The following DENND1A variants were observed in gnomAD, a reference collection of about 807,000 sequenced individuals.
DENND1A encodes the protein DENN domain-containing protein 1A.
Under a neutral mutation model 113.7 loss-of-function variants are expected in DENND1A, and 51 were observed. That is an observed-to-expected ratio of 0.45 (90% CI 0.36 to 0.57). DENND1A has a LOEUF of 0.57. Among genes scored for constraint, DENND1A ranks in the 20% least tolerant of loss-of-function variants. DENND1A has a pLI of 0.00. For missense variants in DENND1A, 1,258 were observed against 1,395.9 expected (o/e 0.90, Z 1.57); for synonymous variants, 565 against 570.8 (o/e 0.99, Z 0.14).
chr9:123,801,863 G>C (rs571623376), intron 2 of DENND1A, among the ~76,000 whole-genome samples: 9 of 152,236 alleles, frequency 5.9e-5, no homozygotes, highest in African/African-American at 2.2e-4. Flanking sequence ...AACTTGACAT[G>C]CTCTATTCAC....
At chr9:123,742,136 C>A (rs1212501927) in intron 5 of DENND1A, among the ~76,000 whole-genome samples, 1 of 152,116 alleles carries the variant, frequency 6.6e-6, no homozygotes, top group Non-Finnish European at 1.5e-5. Flanking sequence ...AGTTGGCAAA[C>A]CCAAGCCAGG....
intron 1 of DENND1A, among the ~76,000 whole-genome samples, chr9:123,889,527 C>T (rs752161816): frequency 4.0e-5 from 6 of 151,802 alleles, no homozygotes; most frequent in Non-Finnish European, 8.8e-5. Flanking sequence ...GGGAACTATC[C>T]GAATAGAAAC....
chr9:123,452,337 C>A lies in DENND1A; in HGVS notation c.1238G>T (p.Gly413Val). The A allele has an allele frequency of 6.2e-7, 1 of 1,614,200 alleles. No individual in the cohort carries two copies. Among genetic ancestry groups the A allele is most frequent in the Non-Finnish European group, 8.5e-7 (1 of 1,180,020 alleles). ...GGTCTTTACAGTATTCAGAATTGCT[C>A]CACTTCCTTTCTATAATAAAAATGT... ...QWLSTVRKGS[G>V]AILNTVKTKA... is the part of the protein sequence containing the mutation. Residue 413 changes from glycine (G) to valine (V), a missense_variant, in exon 17 of 24, where the codon GGA (glycine) becomes GTA (valine). Physicochemically the swap from Gly to Val is moderately radical, Grantham distance 109. Around this residue, in one of 2 missense-constraint regions of DENND1A, gnomAD observed 1,159 missense variants for 1,231.7 expected, o/e 0.94. Transcript: ENST00000394215.
chr9:123,493,600 C>G (rs2051583329), intron 13 of DENND1A, among the ~76,000 whole-genome samples: 2 of 152,178 alleles, frequency 1.3e-5, no homozygotes, highest in Admixed American at 1.3e-4. Context: ...ACAGGGAGTC[C>G]CTGCCCTATG....
At chr9:123,921,664 A>G (rs1479143661) in intron 1 of DENND1A, among the ~76,000 whole-genome samples, 1 of 152,234 alleles carries the variant, frequency 6.6e-6, no homozygotes, top group East Asian at 1.9e-4. Context: ...AATAAAGCAC[A>G]CACATTCACT....
chr9:123,811,676 G>A (rs1055645064), intron 2 of DENND1A, among the ~76,000 whole-genome samples: 9 of 152,176 alleles, frequency 5.9e-5, no homozygotes, highest in Middle Eastern at 3.2e-3. Flanking sequence ...GGAGAACGGC[G>A]TGAACCTGGA....
chr9:123,878,934 T>A lies in DENND1A; in HGVS notation c.88+17A>T. 6.2e-7 allele frequency: 1 copy of A among 1,613,342 alleles called. No individual in the cohort carries two copies. Among genetic ancestry groups the A allele is most frequent in the Non-Finnish European group, 8.5e-7 (1 of 1,179,446 alleles). ...CAATAAGTAACACACCATATCATAA[T>A]CAAACATGCAAAGTACCTGAAAGAG... On this transcript the variant is annotated intron_variant, in intron 2 of 23. Transcript: ENST00000394215.
Position 123,585,839 on chromosome 9 carries a change from G to A in DENND1A, c.766-2569C>T, listed in dbSNP as rs1248222248. On this transcript the variant is annotated intron_variant, in intron 11 of 23. Transcript: ENST00000394215. ...CGTCTGTAAAATTAAAATGCTAACT[G>A]TGGCCACCCTGCTTCTCTCACTCCC... Among the ~76,000 whole-genome samples the A allele has an allele frequency of 2.0e-5, 3 of 152,290 alleles. No individual in the cohort carries two copies. The South Asian group carries it at 6.2e-4, about 32-fold the overall frequency.
At chr9:123,765,594 T>C (rs773797081) in intron 4 of DENND1A, among the ~76,000 whole-genome samples, 36 of 152,170 alleles carry the variant, frequency 2.4e-4, no homozygotes, top group Non-Finnish European at 8.8e-5. Flanking sequence ...TAGCTGACTT[T>C]CAGGGTTCTG....
chr9:123,523,007 A>C lies in DENND1A; in HGVS notation c.993+34563T>G, dbSNP rs147264048. Among the ~76,000 whole-genome samples the C allele has an allele frequency of 3.7e-4, 56 of 152,342 alleles. No individual in the cohort carries two copies. In the East Asian group the frequency reaches 0.011, roughly 29 times the overall value. On this transcript the variant is annotated intron_variant, in intron 13 of 23. Transcript: ENST00000394215. Reference sequence around the variant, plus strand: ...TTTTCCTTCCAAAAGCTCACAGTCTAGTGGGGCAGAGAAACATGGAGGTAA... The same window carrying C: ...TTTTCCTTCCAAAAGCTCACAGTCTCGTGGGGCAGAGAAACATGGAGGTAA...
At chr9:123,618,854 C>T (rs1335568252) in intron 10 of DENND1A, among the ~76,000 whole-genome samples, 1 of 151,662 alleles carries the variant, frequency 6.6e-6, no homozygotes, top group Non-Finnish European at 1.5e-5. Flanking sequence ...GGGCTAAAGG[C>T]TGAATGGCAA....
Position 123,520,110 on chromosome 9 carries a change from C to T in DENND1A, c.993+37460G>A, listed in dbSNP as rs964615964. ...ATGAGGCTGCAGTTTTGACTACCAC[C>T]GTACTCTAGCCTGGGAAACAGAGCA... On this transcript the variant is annotated intron_variant, in intron 13 of 23. Transcript: ENST00000394215. Among the ~76,000 whole-genome samples, 5 of 134,728 alleles carry T rather than the reference C, an allele frequency of 3.7e-5. No individual in the cohort carries two copies. The East Asian group carries it at 1.1e-3, about 30-fold the overall frequency. The allele number at this position is 134,728 out of a possible 152,430, so 88.4% of individuals were successfully genotyped here. A position where few individuals can be genotyped will look rare whatever the true frequency, so the allele number is the denominator to read the frequency against.
At position 123,382,065 on chromosome 9, in the gene DENND1A, C is replaced by T. The variant is rs761760279; in HGVS notation, c.2580G>A (p.Pro860=). The T allele has an allele frequency of 1.5e-5, 22 of 1,508,566 alleles. No individual in the cohort carries two copies. Among genetic ancestry groups the T allele is most frequent in the East Asian group, 4.6e-5 (2 of 43,100 alleles). The allele number at this position is 1,508,566 out of a possible 1,614,324, so 93.4% of individuals were successfully genotyped here. A position where few individuals can be genotyped will look rare whatever the true frequency, so the allele number is the denominator to read the frequency against. Residue 860 remains proline (P), a synonymous_variant, in exon 24 of 24, where the codon CCG becomes CCA. Transcript: ENST00000394215. ...LSTAWSGSTL[P]SRPATPNVAT... is the part of the protein sequence containing the mutation. Reference sequence around the variant, plus strand: ...CTACATTCGGGGTGGCGGGGCGTGACGGGAGGGTGCTGCCTGACCAGGCTG... The same window carrying T: ...CTACATTCGGGGTGGCGGGGCGTGATGGGAGGGTGCTGCCTGACCAGGCTG...
intron 13 of DENND1A, among the ~76,000 whole-genome samples, chr9:123,459,672 G>C (rs1452346066): frequency 6.6e-6 from 1 of 152,146 alleles, no homozygotes. Flanking sequence ...CAGACTTTCA[G>C]ATCTTGAGCT....
At chr9:123,555,805 C>G (rs1284706835) in intron 13 of DENND1A, among the ~76,000 whole-genome samples, 1 of 152,210 alleles carries the variant, frequency 6.6e-6, no homozygotes, top group East Asian at 1.9e-4. Context: ...CGTGGAGGAG[C>G]CTGTGCCCAG....
At chr9:123,739,262 G>A in intron 5 of DENND1A, among the ~76,000 whole-genome samples, 1 of 152,074 alleles carries the variant, frequency 6.6e-6, no homozygotes, top group East Asian at 1.9e-4. Flanking sequence ...CAGTGAGAGG[G>A]TATTAATAAG....
At chr9:123,504,927 T>G (rs1321787272) in intron 13 of DENND1A, among the ~76,000 whole-genome samples, 3 of 152,222 alleles carry the variant, frequency 2.0e-5, no homozygotes, top group Admixed American at 6.5e-5. Context: ...ACAGTCACGA[T>G]GAACCACAGC....
intron 1 of DENND1A, among the ~76,000 whole-genome samples, chr9:123,918,807 C>T (rs1855708672): frequency 6.6e-6 from 1 of 151,976 alleles, no homozygotes; most frequent in East Asian, 1.9e-4. Flanking sequence ...ATTTTATAAC[C>T]TCTAATTAAT....
intron 5 of DENND1A, among the ~76,000 whole-genome samples, chr9:123,708,481 C>A (rs2066374278): frequency 6.6e-6 from 1 of 152,038 alleles, no homozygotes; most frequent in Non-Finnish European, 1.5e-5. Context: ...CCTAAATTCT[C>A]TGGGTAGATG....
Sources: allele counts gnomAD v4.1 joint callset (sites outside exome capture counted in the v4.1 genomes callset), GRCh38; gene constraint gnomAD v4.1.1; regional missense constraint gnomAD v4.1.1; transcripts MANE v1.5; gene names NCBI Gene and HGNC (gene_info 2026-07-23, HGNC 2026-07-21).